CCDC171: variants seen among roughly 807,000 people sequenced by gnomAD.
CCDC171 encodes coiled-coil domain-containing protein 171.
CCDC171 carries 177 observed loss-of-function variants against 168.2 expected under a neutral mutation model. The ratio of observed to expected loss-of-function variants is 1.05; its 90% CI spans 0.93 to 1.19. The LOEUF is 1.19. Among genes scored for constraint, CCDC171 ranks in the 50% most tolerant of loss-of-function variants. The pLI, the probability that CCDC171 is intolerant of heterozygous loss-of-function variation, is 0.00. For synonymous variants in CCDC171, 687 were observed against 540.8 expected (o/e 1.27, Z -3.75); for missense variants, 1,991 against 1,539.0 (o/e 1.29, Z -4.91).
chr9:15,728,008 T>C lies in CCDC171; in HGVS notation c.1832T>C (p.Ile611Thr), dbSNP rs539029305. The change falls in exon 15 of 26, where the codon ATT becomes ACT. Residue 611 changes from isoleucine (I) to threonine (T), a missense_variant. By Grantham distance (89) the Ile-to-Thr change is moderately conservative. Transcript: ENST00000380701. ...TTACAGGAGAATGTTGATGCCCTGA[T>C]TGCAGACCTCAACAGGGCTAATGAG... ...AVLQENVDALIADLNRANEKI... is the reference protein window; with the variant it reads ...AVLQENVDALTADLNRANEKI... The C allele has an allele frequency of 8.1e-6, 13 of 1,612,868 alleles. No homozygotes were observed. In the South Asian group the frequency reaches 1.4e-4, roughly 18 times the overall value.
intron 18 of CCDC171, among the ~76,000 whole-genome samples, chr9:15,753,274 A>C (rs76012810): frequency 2.7e-3 from 407 of 152,270 alleles, no homozygotes; most frequent in African/African-American, 9.0e-3. Context: ...AATGATGGCA[A>C]GTTAGAGAGG....
At chr9:15,641,228 G>C (rs906849128) in intron 7 of CCDC171, among the ~76,000 whole-genome samples, 1 of 152,098 alleles carries the variant, frequency 6.6e-6, no homozygotes, top group African/African-American at 2.4e-5. Context: ...TGCAACTAAT[G>C]AGGAAACTAA....
chr9:15,994,923 TC>T (rs1832324178), intron 3 of CCDC171, among the ~76,000 whole-genome samples: 1 of 152,216 alleles, frequency 6.6e-6, no homozygotes, highest in South Asian at 2.1e-4. Flanking sequence ...ATAATTTTTC[TC>T]CTTCAAAGTG....
chr9:15,969,957 C>A (rs191814328), intron 25 of CCDC171, among the ~76,000 whole-genome samples: 34 of 152,264 alleles, frequency 2.2e-4, no homozygotes, highest in Admixed American at 1.8e-3. Flanking sequence ...CAAGCAAAAC[C>A]TCATTAATAC....
chr9:15,912,029 A>C (rs1261267785), intron 24 of CCDC171, among the ~76,000 whole-genome samples: 1 of 152,092 alleles, frequency 6.6e-6, no homozygotes, highest in Non-Finnish European at 1.5e-5. Context: ...TTGGCTGTAC[A>C]GGCTCTCTTT....
intron 23 of CCDC171, 103 bp downstream of exon 23, chr9:15,849,050 A>T: frequency 1.7e-6 from 1 of 590,090 alleles, no homozygotes; most frequent in Non-Finnish European, 2.9e-6. Flanking sequence ...AGTTAAAAAA[A>T]TAAATTAACA....
downstream of CCDC171, among the ~76,000 whole-genome samples, chr9:15,975,321 T>C (rs1831587037): frequency 6.6e-6 from 1 of 152,142 alleles, no homozygotes; most frequent in Admixed American, 6.5e-5. Context: ...CCACATTATT[T>C]TGAAACACTG....
chr9:15,682,094 C>A (rs368135549), intron 10 of CCDC171, among the ~76,000 whole-genome samples: 3 of 151,968 alleles, frequency 2.0e-5, no homozygotes, highest in African/African-American at 7.2e-5. Flanking sequence ...TTCTCTGTTA[C>A]ATTGGAAAAG....
intron 21 of CCDC171, among the ~76,000 whole-genome samples, chr9:15,787,385 C>T (rs966682071): frequency 6.6e-6 from 1 of 152,142 alleles, no homozygotes; most frequent in South Asian, 2.1e-4. Context: ...CCACTCACAG[C>T]TTCTGGTAAT....
rs1563946603 is a variant in CCDC171, at chr9:15,564,145, C to G, written c.41+16C>G. Reference sequence around the variant, plus strand: ...ATACCCAAAGGTAAGCCTCTAGTCTCTTCTTTTAGTTGATGAACGTTTTTA... The same window carrying G: ...ATACCCAAAGGTAAGCCTCTAGTCTGTTCTTTTAGTTGATGAACGTTTTTA... On this transcript the variant is annotated intron_variant, in intron 2 of 25. Coordinates refer to ENST00000380701, the MANE Select transcript of CCDC171 (RefSeq NM_173550.4). 1 of 1,590,754 alleles carries G rather than the reference C, an allele frequency of 6.3e-7. No homozygotes were observed. The highest frequency in any genetic ancestry group is 8.6e-7 in the Non-Finnish European group (1 of 1,166,238).
chr9:15,597,749 A>C (rs2131583618), intron 6 of CCDC171, among the ~76,000 whole-genome samples: 1 of 152,318 alleles, frequency 6.6e-6, no homozygotes, highest in South Asian at 2.1e-4. Flanking sequence ...CCTCTGGTAG[A>C]ATTCGGCTGT....
At chr9:15,677,812 C>G (rs1473176684) in intron 9 of CCDC171, among the ~76,000 whole-genome samples, 2 of 136,194 alleles carry the variant, frequency 1.5e-5, no homozygotes, top group Non-Finnish European at 3.1e-5. Context: ...TATATACACA[C>G]ACACACGCGC....
chr9:15,856,834 A>C (rs551668410), intron 23 of CCDC171, among the ~76,000 whole-genome samples: 2 of 152,076 alleles, frequency 1.3e-5, no homozygotes, highest in Middle Eastern at 3.4e-3. Context: ...TGTTGTGTAC[A>C]TGGGTTCCAG....
At chr9:15,728,901 A>C (rs1279488843) in intron 15 of CCDC171, among the ~76,000 whole-genome samples, 1 of 152,170 alleles carries the variant, frequency 6.6e-6, no homozygotes, top group Admixed American at 6.6e-5. Flanking sequence ...ACCTAATTTC[A>C]GGGTGATATT....
At position 15,787,255 on chromosome 9, in the gene CCDC171, TA is replaced by T. The variant is rs547230047; in HGVS notation, c.3267+2562del. On this transcript the variant is annotated intron_variant, in intron 21 of 25. Transcript: ENST00000380701. ...TGTGGTGATAATCCACTTTTTTTTT[TA>T]CCATTTTGAAATATACATTATTATT... Among the ~76,000 whole-genome samples the T allele has an allele frequency of 2.0e-5, 3 of 152,200 alleles. No individual in the cohort carries two copies. In the South Asian group the frequency reaches 6.2e-4, roughly 32 times the overall value.
intron 3 of CCDC171, among the ~76,000 whole-genome samples, chr9:15,995,961 T>C (rs1294079267): frequency 6.6e-6 from 1 of 152,216 alleles, no homozygotes; most frequent in Non-Finnish European, 1.5e-5. Flanking sequence ...AACTTCTGTT[T>C]ATCACTTTCA....
At chr9:15,763,785 T>G (rs934838846) in intron 18 of CCDC171, among the ~76,000 whole-genome samples, 2 of 152,240 alleles carry the variant, frequency 1.3e-5, no homozygotes, top group African/African-American at 4.8e-5. Context: ...CATTCTATGA[T>G]TATACCAAAG....
chr9:16,006,171 C>G (rs12001040), intron 3 of CCDC171, among the ~76,000 whole-genome samples: 1 of 152,114 alleles, frequency 6.6e-6, no homozygotes, highest in African/African-American at 2.4e-5. Context: ...CAAGAAGGTT[C>G]TAGACTGTTT....
intron 25 of CCDC171, among the ~76,000 whole-genome samples, chr9:15,949,503 A>G (rs918391937): frequency 2.0e-5 from 3 of 152,180 alleles, no homozygotes; most frequent in African/African-American, 7.2e-5. Flanking sequence ...TTCATTGAGC[A>G]GTGGTTTGTA....
Sources: gnomAD v4.1 joint callset for allele counts (sites outside exome capture counted in the v4.1 genomes callset) on GRCh38, gnomAD v4.1.1 for gene constraint, MANE v1.5 for transcripts, NCBI Gene and HGNC (gene_info 2026-07-23, HGNC 2026-07-21) for gene names.